Variants in CALN1 observed in about 807,000 individuals in gnomAD.
CALN1 encodes the protein calcium-binding protein 8.
In CALN1, 17 loss-of-function variants were observed where a neutral mutation model predicts 30.6. The observed-to-expected ratio is 0.56, with a 90% CI of 0.38 to 0.83. CALN1 has a LOEUF of 0.83. Among genes scored for constraint, CALN1 ranks in the 40% least tolerant of loss-of-function variants. The pLI is 0.00. For missense variants in CALN1, 291 were observed against 354.9 expected (o/e 0.82, Z 1.45); for synonymous variants, 156 against 131.4 (o/e 1.19, Z -1.28).
chr7:72,417,818 T>C (rs1465367045), intron 1 of CALN1, among the ~76,000 whole-genome samples: 3 of 152,266 alleles, frequency 2.0e-5, no homozygotes, highest in Non-Finnish European at 4.4e-5. Context: ...TGGGACACCC[T>C]GGCCTTAAAC....
At chr7:72,322,743 A>G (rs1257112492) in intron 2 of CALN1, among the ~76,000 whole-genome samples, 1 of 152,100 alleles carries the variant, frequency 6.6e-6, no homozygotes, top group East Asian at 1.9e-4. Flanking sequence ...ATACCCTAGT[A>G]CTTGCTAGGA....
intron 4 of CALN1, 71 bp from the exon 5 acceptor site, chr7:72,023,840 C>T (rs2129530253): frequency 9.7e-7 from 1 of 1,026,516 alleles, no homozygotes; most frequent in East Asian, 2.4e-5. Context: ...ATGCAATAAA[C>T]ACCTCTACGC....
intron 4 of CALN1, among the ~76,000 whole-genome samples, chr7:72,069,733 A>G (rs903749625): frequency 6.6e-6 from 1 of 152,172 alleles, no homozygotes; most frequent in African/African-American, 2.4e-5. Flanking sequence ...TACAAGTTCA[A>G]AGAGGGAGAG....
intron 2 of CALN1, among the ~76,000 whole-genome samples, chr7:72,361,803 TAG>T: frequency 6.6e-6 from 1 of 152,296 alleles, no homozygotes; most frequent in Middle Eastern, 3.4e-3. Flanking sequence ...TGATTTCAAA[TAG>T]AAACTGTTTG....
intron 5 of CALN1, among the ~76,000 whole-genome samples, chr7:71,971,407 G>A (rs1025994154): frequency 2.6e-5 from 4 of 152,146 alleles, no homozygotes; most frequent in African/African-American, 9.7e-5. Flanking sequence ...CTGAGATCGT[G>A]CCACTGCACT....
At chr7:72,243,101 T>C (rs547329271) in intron 3 of CALN1, among the ~76,000 whole-genome samples, 3 of 152,072 alleles carry the variant, frequency 2.0e-5, no homozygotes, top group Non-Finnish European at 4.4e-5. Flanking sequence ...CCCAATGTGA[T>C]GATATTTGGA....
chr7:72,062,853 A>T (rs1444433341), intron 4 of CALN1, among the ~76,000 whole-genome samples: 1 of 152,216 alleles, frequency 6.6e-6, no homozygotes. Context: ...AGAAATCTTG[A>T]GGCCCAGATG....
At chr7:72,070,952 A>G (rs1347882806) in intron 4 of CALN1, among the ~76,000 whole-genome samples, 1 of 152,210 alleles carries the variant, frequency 6.6e-6, no homozygotes, top group Non-Finnish European at 1.5e-5. Context: ...ACAAAACTGG[A>G]TGGAGAAGAT....
chr7:72,272,522 A>G (rs945354039), intron 3 of CALN1, among the ~76,000 whole-genome samples: 2 of 152,202 alleles, frequency 1.3e-5, no homozygotes, highest in Non-Finnish European at 2.9e-5. Context: ...AAATCGCACC[A>G]CTGCACTCCA....
intron 2 of CALN1, among the ~76,000 whole-genome samples, chr7:72,372,141 A>G (rs1804283425): frequency 6.6e-6 from 1 of 152,176 alleles, no homozygotes; most frequent in Non-Finnish European, 1.5e-5. Context: ...CAGAATGTGA[A>G]AATCCCCTAT....
chr7:72,064,897 T>TA (rs199896287), intron 4 of CALN1, among the ~76,000 whole-genome samples: 1,501 of 146,488 alleles, frequency 0.01, 21 homozygotes, highest in African/African-American at 0.033. Context: ...CTGATCTTTT[T>TA]AAAAAAAAAA....
intron 3 of CALN1, among the ~76,000 whole-genome samples, chr7:72,235,351 T>C (rs1269333732): frequency 2.6e-5 from 4 of 152,138 alleles, no homozygotes; most frequent in Non-Finnish European, 1.5e-5. Context: ...TTAGAGTGTG[T>C]CCACGCCTTA....
intron 2 of CALN1, among the ~76,000 whole-genome samples, chr7:72,391,111 TGA>T (rs1736009733): frequency 1.3e-5 from 2 of 152,116 alleles, no homozygotes; most frequent in African/African-American, 4.8e-5. Flanking sequence ...TGTGGAGAAT[TGA>T]GAGAGGATGG....
chr7:72,432,090 T>C (rs958690706), intron 1 of CALN1, among the ~76,000 whole-genome samples: 2 of 152,136 alleles, frequency 1.3e-5, no homozygotes, highest in African/African-American at 4.8e-5. Context: ...TTGTAGCTCC[T>C]ATAATCCTCA....
At chr7:72,408,631 G>C (rs1251655198) in intron 1 of CALN1, among the ~76,000 whole-genome samples, 1 of 148,872 alleles carries the variant, frequency 6.7e-6, no homozygotes, top group African/African-American at 2.5e-5. Flanking sequence ...ATTGCATGGT[G>C]GTCATGAAAA....
intron 5 of CALN1, chr7:71,942,546 A>G (rs2867561): frequency 6.5e-6 from 1 of 154,068 alleles, no homozygotes. Context: ...ATCTGCTCCT[A>G]TATTTTATTT....
intron 5 of CALN1, among the ~76,000 whole-genome samples, chr7:72,017,671 C>T (rs1028689982): frequency 1.3e-5 from 2 of 152,144 alleles, no homozygotes; most frequent in Admixed American, 6.5e-5. Context: ...CATTCCAACA[C>T]GACCAGCACC....
intron 3 of CALN1, among the ~76,000 whole-genome samples, chr7:72,120,891 A>C (rs1212207838): frequency 6.6e-6 from 1 of 152,012 alleles, no homozygotes; most frequent in Admixed American, 6.6e-5. Context: ...GTCCCCAAGA[A>C]AGACACACGA....
intron 5 of CALN1, among the ~76,000 whole-genome samples, chr7:71,917,999 A>G (rs1191226605): frequency 6.6e-6 from 1 of 152,236 alleles, no homozygotes; most frequent in Non-Finnish European, 1.5e-5. Context: ...GGTCGATGGC[A>G]TGCATTATAA....
Sources: gnomAD v4.1 joint callset for allele counts (sites outside exome capture counted in the v4.1 genomes callset) on GRCh38, gnomAD v4.1.1 for gene constraint, MANE v1.5 for transcripts, NCBI Gene and HGNC (gene_info 2026-07-23, HGNC 2026-07-21) for gene names.